BABAM2: variants seen among roughly 807,000 people sequenced by gnomAD.
BABAM2 encodes BRISC and BRCA1-A complex member 2.
A neutral mutation model predicts 54.7 loss-of-function variants in BABAM2; 31 were observed. The observed-to-expected ratio is 0.57, with a 90% CI of 0.43 to 0.77. The LOEUF is 0.77. Among genes scored for constraint, BABAM2 ranks in the 30% least tolerant of loss-of-function variants. The pLI is 0.00. For synonymous variants in BABAM2, 167 were observed against 162.9 expected (o/e 1.03, Z -0.19); for missense variants, 364 against 455.8 (o/e 0.80, Z 1.83).
At chr2:28,048,666 T>C (rs571913849) in intron 6 of BABAM2, among the ~76,000 whole-genome samples, 2 of 152,338 alleles carry the variant, frequency 1.3e-5, no homozygotes, top group Admixed American at 1.3e-4. Context: ...AACTGTCTTA[T>C]GTCTGTTCCA....
chr2:28,131,242 C>T lies in BABAM2; in HGVS notation c.680+1862C>T, dbSNP rs1455692891. ...GACTACAGGCGCCCGCCACTACGCC[C>T]GGCTAATTTTTTGTATTTTTAGTAG... On this transcript the variant is annotated intron_variant, in intron 7 of 11. Transcript: ENST00000379624. 1.4e-4 allele frequency among the ~76,000 whole-genome samples: 7 copies of T among 51,100 alleles called. 2 individuals are homozygous for T. Among genetic ancestry groups the T allele is most frequent in the African/African-American group, 3.7e-4 (5 of 13,338 alleles). 33.5% of individuals were successfully genotyped at this position (51,100 alleles called of 152,430 possible).
chr2:28,126,052 G>A (rs1391136615), intron 6 of BABAM2, among the ~76,000 whole-genome samples: 2 of 152,120 alleles, frequency 1.3e-5, no homozygotes, highest in Admixed American at 6.5e-5. Flanking sequence ...GGGTGAGAGA[G>A]GGGTGGAAGA....
chr2:27,898,154 A>G (rs1226431812), intron 2 of BABAM2, among the ~76,000 whole-genome samples: 1 of 152,218 alleles, frequency 6.6e-6, no homozygotes, highest in South Asian at 2.1e-4. Context: ...TTGATTAAAA[A>G]TAACATCTTT....
chr2:28,081,042 A>T (rs1665123231), intron 6 of BABAM2, among the ~76,000 whole-genome samples: 1 of 152,184 alleles, frequency 6.6e-6, no homozygotes, highest in African/African-American at 2.4e-5. Flanking sequence ...CACCAAAAGA[A>T]TTTTTATTGC....
chr2:28,226,498 A>T (rs1456700545), intron 7 of BABAM2, among the ~76,000 whole-genome samples: 1 of 152,188 alleles, frequency 6.6e-6, no homozygotes, highest in Non-Finnish European at 1.5e-5. Flanking sequence ...ACAGAGGCAG[A>T]TCCTCATTCT....
intron 10 of BABAM2, among the ~76,000 whole-genome samples, chr2:28,278,941 G>T (rs982809794): frequency 6.6e-6 from 1 of 152,266 alleles, no homozygotes; most frequent in African/African-American, 2.4e-5. Context: ...AGAGTAGGCG[G>T]AAGCCAGATG....
intron 3 of BABAM2, among the ~76,000 whole-genome samples, chr2:27,950,747 A>G (rs1669650983): frequency 6.6e-6 from 1 of 152,066 alleles, no homozygotes; most frequent in Admixed American, 6.5e-5. Context: ...AATGTTTGGT[A>G]GAATTTGCCA....
intron 6 of BABAM2, among the ~76,000 whole-genome samples, chr2:28,127,137 A>G (rs144100521): frequency 9.2e-5 from 14 of 152,024 alleles, no homozygotes; most frequent in Admixed American, 3.9e-4. Context: ...GAAGCTCTTT[A>G]GTTTAATTAG....
chr2:27,990,529 A>G (rs909754096), intron 4 of BABAM2, among the ~76,000 whole-genome samples: 11 of 152,168 alleles, frequency 7.2e-5, no homozygotes, highest in Non-Finnish European at 1.6e-4. Flanking sequence ...CAGAATGCCT[A>G]GATTTCTTGG....
At chr2:28,319,965 G>C (rs555013951) in intron 11 of BABAM2, among the ~76,000 whole-genome samples, 3 of 152,248 alleles carry the variant, frequency 2.0e-5, no homozygotes, top group Admixed American at 1.3e-4. Flanking sequence ...GCATTCCACC[G>C]GGACACCCAC....
chr2:28,026,917 A>AT (rs1491354049), intron 5 of BABAM2, among the ~76,000 whole-genome samples: 1 of 29,478 alleles, frequency 3.4e-5, no homozygotes, highest in African/African-American at 1.1e-4. Context: ...AATATATATT[A>AT]ATATATATAA....
chr2:27,896,822 A>G (rs899840272), intron 2 of BABAM2: 1 of 226,606 alleles, frequency 4.4e-6, no homozygotes, highest in South Asian at 5.3e-5. Flanking sequence ...CTGGGTCCAC[A>G]TTGCTCAGCT....
chr2:28,083,357 G>A (rs1394152383), intron 6 of BABAM2, among the ~76,000 whole-genome samples: 1 of 152,118 alleles, frequency 6.6e-6, no homozygotes, highest in Non-Finnish European at 1.5e-5. Flanking sequence ...TGTCCACTGT[G>A]ATAGTCACTG....
chr2:27,941,258 A>T (rs559795735), intron 3 of BABAM2, among the ~76,000 whole-genome samples: 8 of 151,916 alleles, frequency 5.3e-5, no homozygotes, highest in African/African-American at 1.5e-4. Flanking sequence ...AAATGTAGAC[A>T]TTTTTTTGTC....
intron 3 of BABAM2, among the ~76,000 whole-genome samples, chr2:27,956,847 A>G (rs977888540): frequency 1.3e-5 from 2 of 152,190 alleles, no homozygotes; most frequent in African/African-American, 4.8e-5. Context: ...AACAATTCTT[A>G]ATAGATCAAT....
chr2:28,003,341 A>G (rs1673712620), intron 4 of BABAM2, among the ~76,000 whole-genome samples: 3 of 152,074 alleles, frequency 2.0e-5, no homozygotes, highest in Admixed American at 2.0e-4. Flanking sequence ...ATTTCAATTT[A>G]TTTATTTAGT....
intron 2 of BABAM2, among the ~76,000 whole-genome samples, chr2:27,917,080 C>G (rs965073541): frequency 1.4e-5 from 2 of 147,408 alleles, no homozygotes; most frequent in African/African-American, 2.5e-5. Flanking sequence ...TGCAGTGGCA[C>G]GATCTCGGCT....
intron 6 of BABAM2, among the ~76,000 whole-genome samples, chr2:28,086,409 A>G (rs568301616): frequency 6.6e-6 from 1 of 152,178 alleles, no homozygotes; most frequent in Non-Finnish European, 1.5e-5. Context: ...TTAGACCTCA[A>G]CGTAAACATG....
intron 10 of BABAM2, among the ~76,000 whole-genome samples, chr2:28,252,395 A>G (rs562994119): frequency 1.3e-5 from 2 of 152,210 alleles, no homozygotes; most frequent in Non-Finnish European, 2.9e-5. Flanking sequence ...TAATTTTTAT[A>G]CTGAGACTTC....
Sources: allele counts gnomAD v4.1 joint callset (sites outside exome capture counted in the v4.1 genomes callset), GRCh38; gene constraint gnomAD v4.1.1; transcripts MANE v1.5; gene names NCBI Gene and HGNC (gene_info 2026-07-23, HGNC 2026-07-21).